SLC4A9: variants seen among roughly 807,000 people sequenced by gnomAD.
SLC4A9 encodes anion exchange protein 4.
In SLC4A9, 102 loss-of-function variants were observed where a neutral mutation model predicts 103.2. That is an observed-to-expected ratio of 0.99 (90% CI 0.84 to 1.17). The LOEUF is 1.17. Ranked by LOEUF, SLC4A9 falls within the 50% of genes most tolerant of loss-of-function variation. The probability of loss-of-function intolerance (pLI) is 0.00; values close to 1 mark genes in which losing one functional copy is unlikely to be tolerated. For missense variants in SLC4A9, 1,091 were observed against 1,193.7 expected (o/e 0.91, Z 1.27); for synonymous variants, 453 against 483.6 (o/e 0.94, Z 0.83).
At chr5:140,362,613 C>A in intron 6 of SLC4A9, 81 bp downstream of exon 6, 1 of 1,332,846 alleles carries the variant, frequency 7.5e-7, no homozygotes, top group Non-Finnish European at 1.1e-6. Flanking sequence ...CATGCATGGG[C>A]TCATGTGAGT....
At chr5:140,361,505 G>C in intron 3 of SLC4A9, 138 bp downstream of exon 3, 1 of 716,184 alleles carries the variant, frequency 1.4e-6, no homozygotes, top group Non-Finnish European at 2.3e-6. Flanking sequence ...GAGGAAACTG[G>C]TGGTAATGTT....
chr5:140,362,108 G>A lies in SLC4A9; in HGVS notation c.653G>A (p.Gly218Glu), dbSNP rs1407370459. ...GELGFLAQPL[G>E]AFVRLRNPVV... is the part of the protein sequence containing the mutation. ...CTGGGCTTCCTGGCACAGCCACTGG[G>A]AGCCTTTGTTCGACTGCGGAACCCT... The change falls in exon 5 of 22, where the codon GGA becomes GAA. Residue 218 changes from glycine (G) to glutamate (E), a missense_variant. Coordinates refer to ENST00000506757, the MANE Select transcript of SLC4A9 (RefSeq NM_031467.3). The A allele has an allele frequency of 4.4e-6, 7 of 1,579,880 alleles. No homozygotes were observed. Among genetic ancestry groups the A allele is most frequent in the Non-Finnish European group, 6.0e-6 (7 of 1,171,260 alleles).
chr5:140,364,005 G>T, intron 9 of SLC4A9, 49 bp from the exon 10 acceptor site: 1 of 1,529,208 alleles, frequency 6.5e-7, no homozygotes, highest in East Asian at 2.3e-5. Flanking sequence ...AAGCTTCAAA[G>T]GACCCCGAGG....
rs1276346377 is a variant in SLC4A9, at chr5:140,365,923, C to G, written c.1800C>G (p.Val600=). The G allele has an allele frequency of 6.2e-7, 1 of 1,614,034 alleles. No individual in the cohort carries two copies. Among genetic ancestry groups the G allele is most frequent in the Admixed American group, 1.7e-5 (1 of 60,028 alleles). Residue 600 remains valine, a synonymous_variant, in exon 13 of 22, where the codon GTC becomes GTG. Transcript: ENST00000506757. The stretch of plus-strand genomic sequence containing the variant: ...CTCGTGGCCCTGGCTGTCATACAGT[C>G]CCAGACATTGCCTTCTTCTCCCTTC... ...GHPRGPGCHT[V]PDIAFFSLLL...
chr5:140,365,952 T>C lies in SLC4A9; in HGVS notation c.1829T>C (p.Leu610Pro), dbSNP rs2043135446. ...GACATTGCCTTCTTCTCCCTTCTCCTCTTCCTTACTTCTTTCTTCTTTGCT... is the reference window on the plus strand; with the variant it reads ...GACATTGCCTTCTTCTCCCTTCTCCCCTTCCTTACTTCTTTCTTCTTTGCT... ...VPDIAFFSLLLFLTSFFFAMA... is the reference protein window; with the variant it reads ...VPDIAFFSLLPFLTSFFFAMA... Residue 610 changes from leucine to proline, a missense_variant, in exon 13 of 22, where the codon CTC (leucine) becomes CCC (proline). Physicochemically the swap from Leu to Pro is moderately conservative, Grantham distance 98. Coordinates refer to ENST00000506757, the MANE Select transcript of SLC4A9 (RefSeq NM_031467.3). The C allele has an allele frequency of 1.2e-6, 2 of 1,614,066 alleles. No individual in the cohort carries two copies. Among genetic ancestry groups the C allele is most frequent in the Admixed American group, 1.7e-5 (1 of 60,024 alleles).
At position 140,371,292 on chromosome 5, in the gene SLC4A9, A is replaced by G. The variant is rs934102128; in HGVS notation, c.2496+129A>G. ...TGGCATCTCCTGCTTACACTTGCCA[A>G]TTTCCCTCTTACTCTCTTTTTCCTG... On this transcript the variant is annotated intron_variant, in intron 18 of 21. Coordinates refer to ENST00000506757, the MANE Select transcript of SLC4A9 (RefSeq NM_031467.3). 8.7e-6 allele frequency: 12 copies of G among 1,382,054 alleles called. No homozygotes were observed. The Admixed American group carries it at 1.5e-4, about 17-fold the overall frequency. The allele number at this position is 1,382,054 out of a possible 1,614,324, so 85.6% of individuals were successfully genotyped here. A position where few individuals can be genotyped will look rare whatever the true frequency, so the allele number is the denominator to read the frequency against.
intron 18 of SLC4A9, 97 bp downstream of exon 18, chr5:140,371,260 T>C: frequency 6.9e-7 from 1 of 1,453,490 alleles, no homozygotes; most frequent in Non-Finnish European, 9.5e-7. Context: ...CCTTTTTTCT[T>C]TTCTGCTGGC....
At position 140,371,468 on chromosome 5, in the gene SLC4A9, G is replaced by A; in HGVS notation, c.2514G>A (p.Lys838=). 1.9e-6 allele frequency: 3 copies of A among 1,614,040 alleles called. No individual in the cohort carries two copies. The South Asian group carries it at 3.3e-5, about 18-fold the overall frequency. The change falls in exon 19 of 22, where the codon AAG becomes AAA. Residue 838 remains lysine, a synonymous_variant. Coordinates refer to ENST00000506757, the MANE Select transcript of SLC4A9 (RefSeq NM_031467.3). The stretch of plus-strand genomic sequence containing the variant: ...TCCCCTAGTTCACTAATAGGGTGAA[G>A]CTGTTGTTGATGCCAGCAAAACACC... ...LSSIQFTNRV[K]LLLMPAKHQP...
In SLC4A9 at chr5:140,367,585, AGG is replaced by A; in HGVS notation, c.2175+5_2175+6del. 1 of 1,602,120 alleles carries A rather than the reference AGG, an allele frequency of 6.2e-7. No homozygotes were observed. Among genetic ancestry groups the A allele is most frequent in the Non-Finnish European group, 8.5e-7 (1 of 1,174,358 alleles). ...CCGCATGGAATACAGACTGCAGGTAAGGCCTGCTGGGTAAGGCCCAAGACCAA... is the reference window on the plus strand; with the variant it reads ...CCGCATGGAATACAGACTGCAGGTAACCTGCTGGGTAAGGCCCAAGACCAA... On this transcript the variant is annotated splice_donor_5th_base_variant and intron_variant, in intron 15 of 21. Transcript: ENST00000506757.
Position 140,366,031 on chromosome 5 carries a change from C to T in SLC4A9, c.1899+9C>T, listed in dbSNP as rs183466941. ...GCTTCTTCCCCTCTGTGGTGAGTTTCACCTTTCTTTCTGTGGGAGAGGCCT... is the reference window on the plus strand; with the variant it reads ...GCTTCTTCCCCTCTGTGGTGAGTTTTACCTTTCTTTCTGTGGGAGAGGCCT... On this transcript the variant is annotated intron_variant, in intron 13 of 21. Coordinates refer to ENST00000506757, the MANE Select transcript of SLC4A9 (RefSeq NM_031467.3). The T allele has an allele frequency of 3.1e-4, 498 of 1,613,756 alleles. 1 individual carries two copies. In the African/African-American group the frequency reaches 6.0e-3, roughly 19 times the overall value.
rs375437059 is a variant in SLC4A9 at position 140,371,130 on chromosome 5, G to A, written c.2463G>A (p.Leu821=). ...TGCCTGTGCTCTATGGCATCTTCCTGTATATGGGGGTGGCAGCGCTCAGCA... is the reference window on the plus strand; with the variant it reads ...TGCCTGTGCTCTATGGCATCTTCCTATATATGGGGGTGGCAGCGCTCAGCA... ...IPMPVLYGIF[L]YMGVAALSSI... Residue 821 remains leucine (L), a synonymous_variant, in exon 18 of 22, where the codon CTG becomes CTA. Transcript: ENST00000506757. The A allele has an allele frequency of 4.3e-6, 7 of 1,612,294 alleles. No homozygotes were observed. Among genetic ancestry groups the A allele is most frequent in the Non-Finnish European group, 5.9e-6 (7 of 1,179,164 alleles).
At chr5:140,361,009 C>T in intron 2 of SLC4A9, 37 bp downstream of exon 2, 1 of 1,506,578 alleles carries the variant, frequency 6.6e-7, no homozygotes, top group African/African-American at 1.4e-5. Flanking sequence ...GCCTGGGTAG[C>T]CATGCCTTTT....
At chr5:140,372,658 G>A in intron 20 of SLC4A9, 87 bp from the exon 21 acceptor site, 1 of 1,451,798 alleles carries the variant, frequency 6.9e-7, no homozygotes. Flanking sequence ...TCTTTGTTTT[G>A]TCTCACTGTG....
chr5:140,362,299 G>T, intron 5 of SLC4A9, 125 bp downstream of exon 5: 1 of 1,274,220 alleles, frequency 7.8e-7, no homozygotes, highest in Non-Finnish European at 1.1e-6. Flanking sequence ...CAGGGGTCTG[G>T]GGAGAGAGTA....
chr5:140,365,405 AT>A lies in SLC4A9; in HGVS notation c.1652-114del, dbSNP rs770160595. ...TGGTAGTGATAGAGTCAGCAGACAGATGAGTCACAATTAAGAACTCTGGTTC... is the reference window on the plus strand; with the variant it reads ...TGGTAGTGATAGAGTCAGCAGACAGAGAGTCACAATTAAGAACTCTGGTTC... On this transcript the variant is annotated intron_variant, in intron 11 of 21. Coordinates refer to ENST00000506757, the MANE Select transcript of SLC4A9 (RefSeq NM_031467.3). 1.2e-3 allele frequency: 1,003 copies of A among 808,942 alleles called. 3 individuals carry two copies. The highest frequency in any genetic ancestry group is 3.6e-3 in the Admixed American group (153 of 42,258). 50.1% of individuals were successfully genotyped at this position (808,942 alleles called of 1,614,324 possible). A position where few individuals can be genotyped will look rare whatever the true frequency, so the allele number is the denominator to read the frequency against.
rs1207309344 is a variant in SLC4A9 at position 140,360,863 on chromosome 5, C to T, written c.282C>T (p.Ala94=). 2 of 1,612,622 alleles carry T rather than the reference C, an allele frequency of 1.2e-6. No homozygotes were observed. The highest frequency in any genetic ancestry group is 1.7e-5 in the Admixed American group (1 of 59,938). ...AGGTGGCTGCAGGCCGGTGGAGTGC[C>T]CCCCACGTGCCCACCCTGGCACTGC... ...KLEVAAGRWS[A]PHVPTLALPS... The change falls in exon 2 of 22, where the codon GCC becomes GCT. Residue 94 remains alanine, a synonymous_variant. Transcript: ENST00000506757.
rs1027149174 is a variant in SLC4A9 at position 140,364,521 on chromosome 5, T to C, written c.1547T>C (p.Ile516Thr). ...TGTGCCCTCATCAGCCTCATCTTCATCTACGATGCTGTGGGCAAAATGCTG... is the reference window on the plus strand; with the variant it reads ...TGTGCCCTCATCAGCCTCATCTTCACCTACGATGCTGTGGGCAAAATGCTG... ...GFCALISLIF[I>T]YDAVGKMLNL... The change falls in exon 11 of 22, where the codon ATC becomes ACC. Residue 516 changes from isoleucine to threonine, a missense_variant. Transcript: ENST00000506757. 6.2e-7 allele frequency: 1 copy of C among 1,610,902 alleles called. No individual in the cohort carries two copies. The highest frequency in any genetic ancestry group is 1.3e-5 in the African/African-American group (1 of 74,980).
rs754510506 is a variant in SLC4A9, at chr5:140,372,399, T to A, written c.2826+2T>A. Reference sequence around the variant, plus strand: ...TTCAGTGGAAGTGACAGTGAAGATGTGAGCTCCAGGCTGGGTCCTCTCAGG... The same window carrying A: ...TTCAGTGGAAGTGACAGTGAAGATGAGAGCTCCAGGCTGGGTCCTCTCAGG... On this transcript the variant is annotated splice_donor_variant, in intron 20 of 21. Transcript: ENST00000506757. LOFTEE classifies it high-confidence loss of function. The A allele has an allele frequency of 9.9e-6, 16 of 1,609,550 alleles. 1 individual carries two copies. In the South Asian group the frequency reaches 1.7e-4, roughly 17 times the overall value.
intron 6 of SLC4A9, 88 bp downstream of exon 6, chr5:140,362,620 G>A (rs1767273176): frequency 5.3e-6 from 7 of 1,316,350 alleles, no homozygotes; most frequent in South Asian, 1.2e-5. Flanking sequence ...GGGCTCATGT[G>A]AGTGTGTGTG....
Sources: gnomAD v4.1 joint callset for allele counts on GRCh38, gnomAD v4.1.1 for gene constraint, MANE v1.5 for transcripts, NCBI Gene and HGNC (gene_info 2026-07-23, HGNC 2026-07-21) for gene names.